The following NPM1 variants were observed in gnomAD, a reference collection of about 807,000 sequenced individuals.
NPM1 encodes nucleophosmin 1.
Under a neutral mutation model 44.1 loss-of-function variants are expected in NPM1, and 1 was observed. The ratio of observed to expected loss-of-function variants is 0.02; its 90% CI spans 0.01 to 0.11. NPM1 has a LOEUF of 0.11. NPM1 is among the 10% of genes least tolerant of loss of function. The pLI is 1.00. For missense variants in NPM1, 197 were observed against 347.8 expected, an observed-to-expected ratio of 0.57 and a Z score of 3.45; for synonymous variants, 126 against 111.8, an observed-to-expected ratio of 1.13 and a Z score of -0.80.
In NPM1 at chr5:171,391,378, C is replaced by A. The variant is rs2113169254; in HGVS notation, c.212C>A (p.Pro71Gln). The part of the protein sequence containing the change: ...EAEAMNYEGS[P>Q]IKVTLATLKM... ...GAGGCAATGAATTACGAAGGCAGTC[C>A]AATTAAAGTAACACTGGCAACTTTG... The change falls in exon 3 of 11, where the codon CCA (proline) becomes CAA (glutamine). Residue 71 changes from proline (P) to glutamine (Q), a missense_variant. Physicochemically the swap from Pro to Gln is moderately conservative, Grantham distance 76. Coordinates refer to ENST00000296930, the MANE Select transcript of NPM1 (RefSeq NM_002520.7). The A allele has an allele frequency of 6.2e-7, 1 of 1,611,442 alleles. No individual in the cohort carries two copies.
At chr5:171,393,465 A>G (rs998619498) in intron 6 of NPM1, among the ~76,000 whole-genome samples, 2 of 152,246 alleles carry the variant, frequency 1.3e-5, no homozygotes, top group African/African-American at 4.8e-5. Context: ...TAAAAGGGAT[A>G]TTAAGATTTT....
chr5:171,388,768 T>G, intron 1 of NPM1, among the ~76,000 whole-genome samples: 1 of 152,216 alleles, frequency 6.6e-6, no homozygotes, highest in Non-Finnish European at 1.5e-5. Flanking sequence ...CAGCTCTCAT[T>G]TTTTTGAGCC....
intron 6 of NPM1, among the ~76,000 whole-genome samples, chr5:171,398,996 G>C (rs1039806625): frequency 6.6e-6 from 1 of 151,822 alleles, no homozygotes; most frequent in East Asian, 2.0e-4. Flanking sequence ...GATTACAGGC[G>C]CCCGCCACCA....
intron 1 of NPM1, among the ~76,000 whole-genome samples, chr5:171,388,411 G>C (rs988710264): frequency 2.6e-5 from 4 of 152,210 alleles, no homozygotes; most frequent in African/African-American, 9.6e-5. Flanking sequence ...TGGGTTCACC[G>C]GGAAGCATGG....
intron 8 of NPM1, among the ~76,000 whole-genome samples, chr5:171,403,522 C>G (rs896285968): frequency 8.3e-6 from 1 of 121,070 alleles, no homozygotes; most frequent in African/African-American, 3.1e-5. Context: ...AGCTGTTGGG[C>G]ACACCTCCCA....
At chr5:171,409,259 AG>A (rs781776679) in intron 10 of NPM1, among the ~76,000 whole-genome samples, 1 of 152,192 alleles carries the variant, frequency 6.6e-6, no homozygotes, top group African/African-American at 2.4e-5. Context: ...TTTGACATAG[AG>A]ATGCATGATG....
At chr5:171,408,614 A>G (rs1771681195) in intron 10 of NPM1, among the ~76,000 whole-genome samples, 1 of 152,144 alleles carries the variant, frequency 6.6e-6, no homozygotes. Context: ...AGTTGTAGTG[A>G]TGGGCTATAA....
intron 4 of NPM1, among the ~76,000 whole-genome samples, chr5:171,392,143 T>C (rs1368219672): frequency 6.6e-6 from 1 of 152,194 alleles, no homozygotes; most frequent in Non-Finnish European, 1.5e-5. Context: ...TTTCGTGATG[T>C]TGGCCAGGCC....
intron 8 of NPM1, among the ~76,000 whole-genome samples, chr5:171,403,653 CCCT>C (rs1388834146): frequency 1.5e-3 from 206 of 138,256 alleles, no homozygotes; most frequent in African/African-American, 4.9e-3. Context: ...CCCCCCACCT[CCCT>C]CCCGGACGGG....
intron 1 of NPM1, 46 bp from the exon 2 acceptor site, chr5:171,390,005 G>C (rs373638261): frequency 6.0e-6 from 7 of 1,160,698 alleles, no homozygotes; most frequent in Admixed American, 4.2e-5. Context: ...TTAAGTTTCA[G>C]TGTTATTTTT....
intron 8 of NPM1, among the ~76,000 whole-genome samples, chr5:171,401,968 A>G (rs1013015657): frequency 4.6e-5 from 7 of 151,172 alleles, no homozygotes; most frequent in Non-Finnish European, 8.8e-5. Context: ...ACTTATGGAG[A>G]TTGTCATAAA....
intron 6 of NPM1, among the ~76,000 whole-genome samples, chr5:171,398,555 A>G (rs1650574629): frequency 2.0e-5 from 3 of 152,292 alleles, no homozygotes; most frequent in Middle Eastern, 3.4e-3. Context: ...CAGGCGGATC[A>G]TGACCAGGAG....
intron 8 of NPM1, among the ~76,000 whole-genome samples, chr5:171,404,061 C>CG (rs1771418000): frequency 1.6e-5 from 1 of 63,232 alleles, no homozygotes; most frequent in African/African-American, 7.0e-5. Flanking sequence ...ACCTCCCGGA[C>CG]GGGGCGGCTG....
upstream of NPM1, chr5:171,387,296 C>T (rs541923750): frequency 6.5e-6 from 1 of 153,492 alleles, no homozygotes; most frequent in South Asian, 2.1e-4. Context: ...AATTCACTCT[C>T]TCTGGCACCT....
Position 171,387,970 on chromosome 5 carries a change from G to A in NPM1, c.22G>A (p.Asp8Asn), listed in dbSNP as rs1389753903. The A allele has an allele frequency of 1.2e-6, 2 of 1,609,448 alleles. No individual in the cohort carries two copies. Residue 8 changes from aspartate (D) to asparagine (N), a missense_variant, in exon 1 of 11, where the codon GAC becomes AAC. This residue lies in a region of NPM1 where 14 missense variants were observed against 16.2 expected (regional missense o/e 0.87). Coordinates refer to ENST00000296930, the MANE Select transcript of NPM1 (RefSeq NM_002520.7). ...CCCGATGGAAGATTCGATGGACATG[G>A]ACATGAGCCCCCTGAGGCCCCAGAA... MEDSMDMDMSPLRPQNYL... is the reference protein window; with the variant it reads MEDSMDMNMSPLRPQNYL...
intron 4 of NPM1, among the ~76,000 whole-genome samples, chr5:171,392,083 A>C (rs559493222): frequency 4.0e-4 from 61 of 152,134 alleles, no homozygotes; most frequent in Admixed American, 1.2e-3. Flanking sequence ...GGGGCCACAG[A>C]CGTGCACCAC....
rs186933329 is a variant in NPM1, at chr5:171,406,670, A to G, written c.772-1030A>G. 1.2e-5 allele frequency: 15 copies of G among 1,291,042 alleles called. No individual in the cohort carries two copies. In the East Asian group the frequency reaches 2.0e-4, roughly 17 times the overall value. The allele number at this position is 1,291,042 out of a possible 1,614,324, so 80.0% of individuals were successfully genotyped here. A position where few individuals can be genotyped will look rare whatever the true frequency, so the allele number is the denominator to read the frequency against. ...ACTTGTGCATTTGCCTCACCTGACA[A>G]TGTTTTAAATCGCCTTTGTATCTCC... On this transcript the variant is annotated intron_variant, in intron 9 of 10. Coordinates refer to ENST00000296930, the MANE Select transcript of NPM1 (RefSeq NM_002520.7).
rs750681685 is a variant in NPM1 at position 171,405,265 on chromosome 5, ATTC to A, written c.670-34_670-32del. ...TGGGTTTTAATTAGGAATTGTATTTATTCTTATGACCTTTTGGAAATTCATTTC... is the reference window on the plus strand; with the variant it reads ...TGGGTTTTAATTAGGAATTGTATTTATTATGACCTTTTGGAAATTCATTTC... On this transcript the variant is annotated intron_variant, in intron 8 of 10. Transcript: ENST00000296930. The A allele has an allele frequency of 1.2e-5, 12 of 1,018,786 alleles. No individual in the cohort carries two copies. In the South Asian group the frequency reaches 1.6e-4, roughly 13 times the overall value. The allele number at this position is 1,018,786 out of a possible 1,614,324, so 63.1% of individuals were successfully genotyped here.
intron 10 of NPM1, among the ~76,000 whole-genome samples, chr5:171,407,981 A>T (rs1451702519): frequency 6.6e-6 from 1 of 152,024 alleles, no homozygotes; most frequent in East Asian, 1.9e-4. Context: ...ACTTTAGTAT[A>T]TTTTTCCCAG....
Sources: gnomAD v4.1 joint callset for allele counts (sites outside exome capture counted in the v4.1 genomes callset) on GRCh38, gnomAD v4.1.1 for gene constraint, gnomAD v4.1.1 regional missense constraint, MANE v1.5 for transcripts, NCBI Gene and HGNC (gene_info 2026-07-23, HGNC 2026-07-21) for gene names.